ZNF780A: variants seen among roughly 807,000 people sequenced by gnomAD.
ZNF780A encodes zinc finger protein 780A.
Under a neutral mutation model 56.7 loss-of-function variants are expected in ZNF780A, and 40 were observed. That is an observed-to-expected ratio of 0.71 (90% CI 0.55 to 0.92). ZNF780A has a LOEUF of 0.92. Ranked by LOEUF, ZNF780A falls within the 40% of genes least tolerant of loss-of-function variation. The pLI, the probability that ZNF780A is intolerant of heterozygous loss-of-function variation, is 0.00. For missense variants in ZNF780A, 672 were observed against 783.3 expected (o/e 0.86, Z 1.70); for synonymous variants, 231 against 248.3 (o/e 0.93, Z 0.66).
Position 40,074,221 on chromosome 19 carries a change from C to T in ZNF780A, c.*295G>A. 1 of 1,424,422 alleles carries T rather than the reference C, an allele frequency of 7.0e-7. No homozygotes were observed. Among genetic ancestry groups the T allele is most frequent in the South Asian group, 1.5e-5 (1 of 67,688 alleles). 88.2% of individuals were successfully genotyped at this position (1,424,422 alleles called of 1,614,324 possible). The stretch of plus-strand genomic sequence containing the variant: ...CCAGTATGAATGACCTGAAGTCCAG[C>T]AAGCTGTGTCAGAAAACTGAAGGCC... On this transcript the variant is annotated 3_prime_UTR_variant, in exon 6 of 6. Coordinates refer to ENST00000683561, the MANE Select transcript of ZNF780A (RefSeq NM_001142578.2).
In ZNF780A at chr19:40,075,834, C is replaced by T. The variant is rs778732335; in HGVS notation, c.608G>A (p.Arg203Gln). 1.9e-5 allele frequency: 31 copies of T among 1,612,024 alleles called. No homozygotes were observed. Among genetic ancestry groups the T allele is most frequent in the Middle Eastern group, 3.3e-4 (2 of 6,072 alleles). ...FECKECGKAFRLHIQFTRHQK... is the reference protein window; with the variant it reads ...FECKECGKAFQLHIQFTRHQK... ...ATGTCGAGTAAATTGTATGTGAAGT[C>T]GAAAGGCTTTCCCACACTCCTTACA... is the stretch of plus-strand genomic sequence containing the variant. The change falls in exon 6 of 6, where the codon CGA becomes CAA. Residue 203 changes from arginine to glutamine, a missense_variant. By Grantham distance (43) the Arg-to-Gln change is conservative. Transcript: ENST00000683561.
chr19:40,086,919 T>C (rs954299473), intron 2 of ZNF780A, among the ~76,000 whole-genome samples: 2 of 152,070 alleles, frequency 1.3e-5, no homozygotes, highest in African/African-American at 4.8e-5. Flanking sequence ...GCAAGGCTGG[T>C]CTCAAACTCC....
At chr19:40,087,297 G>C (rs1974862463) in intron 2 of ZNF780A, among the ~76,000 whole-genome samples, 1 of 152,014 alleles carries the variant, frequency 6.6e-6, no homozygotes, top group African/African-American at 2.4e-5. Context: ...TGGGAGAGTG[G>C]GGAGAGCTAT....
In ZNF780A at chr19:40,074,896, G is replaced by A. The variant is rs1346251928; in HGVS notation, c.1546C>T (p.Leu516Phe). The change falls in exon 6 of 6, where the codon CTT becomes TTT. Residue 516 changes from leucine to phenylalanine, a missense_variant. Leu to Phe is a conservative substitution (Grantham distance 22, BLOSUM62 0). Transcript: ENST00000683561. The part of the protein sequence containing the change: ...CGKAFRLYLQ[L>F]SQHQKTHTGE... ...GTGTGAGTTTTCTGATGTTGGGAAAGTTGTAGGTAAAGTCTAAAAGCCTTC... is the reference window on the plus strand; with the variant it reads ...GTGTGAGTTTTCTGATGTTGGGAAAATTGTAGGTAAAGTCTAAAAGCCTTC... The A allele has an allele frequency of 6.2e-7, 1 of 1,614,010 alleles. No homozygotes were observed. The highest frequency in any genetic ancestry group is 1.3e-5 in the African/African-American group (1 of 74,908).
At chr19:40,078,102 T>C (rs1974256150) in intron 5 of ZNF780A, among the ~76,000 whole-genome samples, 1 of 150,326 alleles carries the variant, frequency 6.7e-6, no homozygotes, top group Non-Finnish European at 1.5e-5. Context: ...AATTTCATTA[T>C]AAAAAAGAAC....
At chr19:40,089,241 T>C in intron 2 of ZNF780A, 1 of 1,416,490 alleles carries the variant, frequency 7.1e-7, no homozygotes, top group Admixed American at 2.6e-5. Flanking sequence ...GATTTAGTCA[T>C]TCCACAATGT....
rs1973945484 is a variant in ZNF780A at position 40,074,217 on chromosome 19, C to G, written c.*299G>C. On this transcript the variant is annotated 3_prime_UTR_variant, in exon 6 of 6. Transcript: ENST00000683561. ...CTCGCCAGTATGAATGACCTGAAGT[C>G]CAGCAAGCTGTGTCAGAAAACTGAA... The G allele has an allele frequency of 1.4e-6, 2 of 1,418,948 alleles. No homozygotes were observed. The highest frequency in any genetic ancestry group is 2.5e-5 in the Admixed American group (1 of 40,370). The allele number at this position is 1,418,948 out of a possible 1,614,324, so 87.9% of individuals were successfully genotyped here.
Position 40,082,596 on chromosome 19 carries a change from G to A in ZNF780A, c.136+515C>T, listed in dbSNP as rs535796842. ...AAATAACAGACATTTTTGTTTGTTT[G>A]TTTTTGGTTTTGAGACAGGGTCTCG... On this transcript the variant is annotated intron_variant, in intron 4 of 5. Coordinates refer to ENST00000683561, the MANE Select transcript of ZNF780A (RefSeq NM_001142578.2). 2.4e-3 allele frequency among the ~76,000 whole-genome samples: 364 copies of A among 152,190 alleles called. 2 individuals carry two copies. Among genetic ancestry groups the A allele is most frequent in the African/African-American group, 8.5e-3 (351 of 41,528 alleles).
At chr19:40,084,647 A>G in intron 3 of ZNF780A, 98 bp downstream of exon 3, 1 of 1,272,590 alleles carries the variant, frequency 7.9e-7, no homozygotes, top group Non-Finnish European at 1.1e-6. Flanking sequence ...GGGGTGTAAG[A>G]TCGTGAATTC....
rs1973938559 is a variant in ZNF780A at position 40,074,041 on chromosome 19, T to C, written c.*475A>G. 20 of 1,210,672 alleles carry C rather than the reference T, an allele frequency of 1.7e-5. 1 individual carries two copies. The South Asian group carries it at 3.9e-4, about 24-fold the overall frequency. 75.0% of individuals were successfully genotyped at this position (1,210,672 alleles called of 1,614,324 possible). A position where few individuals can be genotyped will look rare whatever the true frequency, so the allele number is the denominator to read the frequency against. The stretch of plus-strand genomic sequence containing the variant: ...CAGGGTTTCATACCAGTATGAATTC[T>C]TTGATGTGCAGTCAGGACCAAACTA... On this transcript the variant is annotated 3_prime_UTR_variant, in exon 6 of 6. Transcript: ENST00000683561.
At position 40,074,802 on chromosome 19, in the gene ZNF780A, T is replaced by C. The variant is rs1189034085; in HGVS notation, c.1640A>G (p.His547Arg). Residue 547 changes from histidine (H) to arginine (R), a missense_variant, in exon 6 of 6, where the codon CAT becomes CGT. Transcript: ENST00000683561. Reference sequence around the variant, plus strand: ...TTTCTTTCCAGTATGAATACTTCGATGTTGATTAAGATTTGAACCACGACG... The same window carrying C: ...TTTCTTTCCAGTATGAATACTTCGACGTTGATTAAGATTTGAACCACGACG... Reference protein sequence around the residue: ...FFRRGSNLNQHRSIHTGKKPF... With the variant: ...FFRRGSNLNQRRSIHTGKKPF... The C allele has an allele frequency of 2.5e-6, 4 of 1,614,140 alleles. No individual in the cohort carries two copies. Among genetic ancestry groups the C allele is most frequent in the Admixed American group, 1.7e-5 (1 of 60,032 alleles).
chr19:40,081,943 T>G (rs756756859), intron 4 of ZNF780A, 29 bp from the exon 5 acceptor site: 1 of 1,542,054 alleles, frequency 6.5e-7, no homozygotes, highest in South Asian at 1.2e-5. Context: ...ACATGTAGAA[T>G]TTTTTTAATA....
chr19:40,073,815 C>T lies in ZNF780A; in HGVS notation c.*701G>A, dbSNP rs1476919551. ...TCTGGTGTTGAGTAAATTTTTCGTA[C>T]ACAGTGAAGGCTTGTCCACACTCCT... On this transcript the variant is annotated 3_prime_UTR_variant, in exon 6 of 6. Coordinates refer to ENST00000683561, the MANE Select transcript of ZNF780A (RefSeq NM_001142578.2). The T allele has an allele frequency of 1.0e-6, 1 of 988,538 alleles. No homozygotes were observed. The highest frequency in any genetic ancestry group is 1.2e-6 in the Non-Finnish European group (1 of 831,982). 61.2% of individuals were successfully genotyped at this position (988,538 alleles called of 1,614,324 possible). A position where few individuals can be genotyped will look rare whatever the true frequency, so the allele number is the denominator to read the frequency against.
At chr19:40,089,895 C>T (rs886714678) in intron 2 of ZNF780A, among the ~76,000 whole-genome samples, 8 of 152,162 alleles carry the variant, frequency 5.3e-5, no homozygotes, top group Non-Finnish European at 1.0e-4. Flanking sequence ...TCCACCTAAA[C>T]ACTAATCTCC....
At chr19:40,072,562 C>T, downstream of ZNF780A, 1 of 237,998 alleles carries the variant, frequency 4.2e-6, no homozygotes. Context: ...AGGATATAAA[C>T]CCAGGCATTC....
chr19:40,079,573 A>G (rs1428020528), intron 5 of ZNF780A, among the ~76,000 whole-genome samples: 2 of 152,216 alleles, frequency 1.3e-5, no homozygotes, highest in African/African-American at 4.8e-5. Context: ...ATTCTCTAGG[A>G]TAGACCATAT....
intron 5 of ZNF780A, among the ~76,000 whole-genome samples, chr19:40,080,392 T>C (rs745534311): frequency 3.9e-5 from 6 of 152,168 alleles, no homozygotes; most frequent in Admixed American, 1.3e-4. Context: ...ATGTTTATTG[T>C]AGCACTATTC....
intron 2 of ZNF780A, among the ~76,000 whole-genome samples, chr19:40,087,953 C>A (rs1025673652): frequency 2.6e-5 from 4 of 152,062 alleles, no homozygotes; most frequent in African/African-American, 4.8e-5. Context: ...AAGTAGGTAT[C>A]CATATGCAGA....
intron 1 of ZNF780A, chr19:40,090,687 C>T (rs1342954780): frequency 6.6e-6 from 1 of 152,626 alleles, no homozygotes; most frequent in Non-Finnish European, 1.5e-5. Flanking sequence ...CGCACACACT[C>T]ACAGTCCCCT....
Sources: allele counts gnomAD v4.1 joint callset (sites outside exome capture counted in the v4.1 genomes callset), GRCh38; gene constraint gnomAD v4.1.1; transcripts MANE v1.5; gene names NCBI Gene and HGNC (gene_info 2026-07-23, HGNC 2026-07-21).